The following JARID2 variants were observed in gnomAD, a reference collection of about 807,000 sequenced individuals.
JARID2 encodes jumonji and AT-rich interaction domain containing 2, also known as protein Jumonji.
A neutral mutation model predicts 125.6 loss-of-function variants in JARID2; 21 were observed. That is an observed-to-expected ratio of 0.17 (90% confidence interval 0.12 to 0.24). JARID2 has a LOEUF of 0.24. Among genes scored for constraint, JARID2 ranks in the 10% least tolerant of loss-of-function variants. The pLI is 1.00. For missense variants in JARID2, 1,303 were observed against 1,639.6 expected (o/e 0.79, Z 3.55); for synonymous variants, 736 against 661.6 (o/e 1.11, Z -1.73).
At chr6:15,364,158 C>T (rs1339234522) in intron 1 of JARID2, among the ~76,000 whole-genome samples, 1 of 134,396 alleles carries the variant, frequency 7.4e-6, no homozygotes. Context: ...GCGAGTCAGT[C>T]AGGCATTGAT....
At position 15,368,301 on chromosome 6, in the gene JARID2, T is replaced by A. The variant is rs147237714; in HGVS notation, c.46-5816T>A. Among the ~76,000 whole-genome samples the A allele has an allele frequency of 3.9e-3, 595 of 152,286 alleles. 4 individuals are homozygous for A. Among genetic ancestry groups the A allele is most frequent in the Middle Eastern group, 0.024 (7 of 294 alleles). ...AGCATCACAGGAAAATAAAATTGTA[T>A]CACTGGGAGCTGTGCTTTTGGTTGG... On this transcript the variant is annotated intron_variant, in intron 1 of 17. Coordinates refer to ENST00000341776, the MANE Select transcript of JARID2 (RefSeq NM_004973.4).
chr6:15,407,514 T>A (rs17638720), intron 2 of JARID2, among the ~76,000 whole-genome samples: 13 of 152,188 alleles, frequency 8.5e-5, no homozygotes, highest in Admixed American at 2.0e-4. Context: ...TCACCTCTTA[T>A]TCAGCTAAGA....
At chr6:15,287,099 CT>C (rs1761031171) in intron 1 of JARID2, among the ~76,000 whole-genome samples, 1 of 151,592 alleles carries the variant, frequency 6.6e-6, no homozygotes, top group Admixed American at 6.6e-5. Flanking sequence ...GAACTCCAGC[CT>C]GGGCAACAAG....
chr6:15,517,133 C>T (rs1441849050), intron 16 of JARID2, 28 bp from the exon 17 acceptor site: 1 of 1,565,388 alleles, frequency 6.4e-7, no homozygotes, highest in Middle Eastern at 1.7e-4. Flanking sequence ...TGCCTCCTGA[C>T]CTTCGGGTGT....
At chr6:15,387,276 T>G (rs1764822814) in intron 2 of JARID2, among the ~76,000 whole-genome samples, 1 of 152,178 alleles carries the variant, frequency 6.6e-6, no homozygotes, top group African/African-American at 2.4e-5. Flanking sequence ...CTAATCATAT[T>G]CTTGCGGCTG....
intron 2 of JARID2, among the ~76,000 whole-genome samples, chr6:15,409,669 T>C (rs1765795619): frequency 6.6e-6 from 1 of 152,152 alleles, no homozygotes; most frequent in South Asian, 2.1e-4. Flanking sequence ...CCTTATCCTT[T>C]GAGATGATCA....
At chr6:15,492,257 G>T (rs1426929331) in intron 6 of JARID2, among the ~76,000 whole-genome samples, 1 of 152,224 alleles carries the variant, frequency 6.6e-6, no homozygotes, top group African/African-American at 2.4e-5. Flanking sequence ...GTATAAAGCT[G>T]CTCAGCTGAA....
Position 15,520,061 on chromosome 6 carries a change from C to G in JARID2, c.3559-8C>G, listed in dbSNP as rs1228652868. 6.2e-7 allele frequency: 1 copy of G among 1,607,546 alleles called. No individual in the cohort carries two copies. Among genetic ancestry groups the G allele is most frequent in the African/African-American group, 1.3e-5 (1 of 74,464 alleles). On this transcript the variant is annotated splice_polypyrimidine_tract_variant and splice_region_variant and intron_variant, in intron 17 of 17. Coordinates refer to ENST00000341776, the MANE Select transcript of JARID2 (RefSeq NM_004973.4). ...TGTTAACTGTGTCTTCCTTTCACCC[C>G]CAAACAGGAACAGATTATCAGTCTG...
chr6:15,460,485 G>A lies in JARID2; in HGVS notation c.494-8057G>A, dbSNP rs555894024. On this transcript the variant is annotated intron_variant, in intron 4 of 17. Transcript: ENST00000341776. ...ATCCACTTAGAGAACATGGAAATAA[G>A]ACTTTAAGTATGGCAGTGCTGTTTT... is the stretch of plus-strand genomic sequence containing the variant. 1.2e-3 allele frequency among the ~76,000 whole-genome samples: 176 copies of A among 152,290 alleles called. 1 individual carries two copies. Among genetic ancestry groups the A allele is most frequent in the African/African-American group, 4.2e-3 (173 of 41,568 alleles).
At chr6:15,369,589 C>T (rs1157356030) in intron 1 of JARID2, among the ~76,000 whole-genome samples, 1 of 152,152 alleles carries the variant, frequency 6.6e-6, no homozygotes, top group Non-Finnish European at 1.5e-5. Flanking sequence ...AAGTGGTTTA[C>T]AGAGGACAAA....
intron 1 of JARID2, among the ~76,000 whole-genome samples, chr6:15,322,776 G>A (rs1762402674): frequency 6.6e-6 from 1 of 152,164 alleles, no homozygotes; most frequent in South Asian, 2.1e-4. Context: ...TGAACCCTGG[G>A]GGTAGCAGTA....
intron 6 of JARID2, among the ~76,000 whole-genome samples, chr6:15,489,113 G>A (rs1317028904): frequency 1.3e-5 from 2 of 152,234 alleles, no homozygotes; most frequent in African/African-American, 4.8e-5. Context: ...AACCCAGGGA[G>A]AAAGACAGAA....
chr6:15,304,924 C>A (rs570137457), intron 1 of JARID2, among the ~76,000 whole-genome samples: 1 of 151,848 alleles, frequency 6.6e-6, no homozygotes, highest in African/African-American at 2.4e-5. Flanking sequence ...GCATGTGTTT[C>A]GCTCTCTTTA....
intron 2 of JARID2, among the ~76,000 whole-genome samples, chr6:15,382,828 C>T (rs536102182): frequency 9.1e-4 from 138 of 152,352 alleles, no homozygotes; most frequent in Non-Finnish European, 1.5e-3. Flanking sequence ...TCACTTTGTG[C>T]TTGACACCCA....
intron 2 of JARID2, among the ~76,000 whole-genome samples, chr6:15,379,528 C>T (rs1223551241): frequency 6.6e-6 from 1 of 152,162 alleles, no homozygotes; most frequent in Non-Finnish European, 1.5e-5. Context: ...AAGCTATTAA[C>T]TGTATTTGAA....
Position 15,496,889 on chromosome 6 carries a change from A to G in JARID2, c.1664A>G (p.Asp555Gly), listed in dbSNP as rs1770469550. The G allele has an allele frequency of 6.2e-7, 1 of 1,601,448 alleles. No homozygotes were observed. The highest frequency in any genetic ancestry group is 1.3e-5 in the African/African-American group (1 of 74,768). ...GGGKAGWAAMDEIPVLRPSAK... is the reference protein window; with the variant it reads ...GGGKAGWAAMGEIPVLRPSAK... ...GGCAAGGCCGGGTGGGCGGCCATGG[A>G]CGAGATCCCCGTCCTCAGGCCCTCC... The change falls in exon 7 of 18, where the codon GAC (aspartate) becomes GGC (glycine). Residue 555 changes from aspartate (D) to glycine (G), a missense_variant. Physicochemically the swap from Asp to Gly is moderately conservative, Grantham distance 94. Transcript: ENST00000341776.
intron 1 of JARID2, among the ~76,000 whole-genome samples, chr6:15,271,996 G>A (rs572491215): frequency 4.0e-4 from 61 of 151,948 alleles, no homozygotes; most frequent in African/African-American, 1.1e-3. Flanking sequence ...CGAGACTGTC[G>A]CCTGTAGTCC....
chr6:15,468,134 A>G (rs191078221), intron 4 of JARID2, among the ~76,000 whole-genome samples: 190 of 150,482 alleles, frequency 1.3e-3, no homozygotes, highest in African/African-American at 4.4e-3. Flanking sequence ...ATATAATGAA[A>G]TGTTATATTC....
chr6:15,303,255 G>A (rs1479790207), intron 1 of JARID2, among the ~76,000 whole-genome samples: 1 of 152,192 alleles, frequency 6.6e-6, no homozygotes, highest in Non-Finnish European at 1.5e-5. Context: ...AGCGCACCTC[G>A]AACTTGAACA....
Sources: allele counts gnomAD v4.1 joint callset (sites outside exome capture counted in the v4.1 genomes callset), GRCh38; gene constraint gnomAD v4.1.1; transcripts MANE v1.5; gene names NCBI Gene and HGNC (gene_info 2026-07-23, HGNC 2026-07-21).